The following TCF4 variants were observed in gnomAD, a reference collection of about 807,000 sequenced individuals.
TCF4 encodes the protein transcription factor 4, also known as SL3-3 enhancer factor 2.
TCF4 carries 3 observed loss-of-function variants against 82.1 expected under a neutral mutation model. The ratio of observed to expected loss-of-function variants is 0.04; its 90% CI spans 0.02 to 0.09. TCF4 has a LOEUF of 0.09. TCF4 is among the 10% of genes least tolerant of loss of function. The pLI is 1.00. For synonymous variants in TCF4, 276 were observed against 309.6 expected (o/e 0.89, Z 1.14); for missense variants, 518 against 852.7 (o/e 0.61, Z 4.89).
At chr18:55,290,842 A>C (rs1049929357) in intron 8 of TCF4, among the ~76,000 whole-genome samples, 6 of 145,558 alleles carry the variant, frequency 4.1e-5, no homozygotes, top group African/African-American at 1.7e-4. Context: ...AGATTCTAAC[A>C]GACATAAAAT....
At chr18:55,456,087 A>T (rs2095747071) in intron 5 of TCF4, among the ~76,000 whole-genome samples, 1 of 152,232 alleles carries the variant, frequency 6.6e-6, no homozygotes, top group Non-Finnish European at 1.5e-5. Flanking sequence ...AACACTCTGA[A>T]GTAATACAAA....
intron 5 of TCF4, among the ~76,000 whole-genome samples, chr18:55,457,446 C>T (rs1435478169): frequency 6.6e-6 from 1 of 152,186 alleles, no homozygotes; most frequent in Non-Finnish European, 1.5e-5. Flanking sequence ...CATTTTTCCA[C>T]ACACACAAGA....
intron 8 of TCF4, among the ~76,000 whole-genome samples, chr18:55,339,919 G>T (rs2147935408): frequency 6.6e-6 from 1 of 152,288 alleles, no homozygotes; most frequent in East Asian, 1.9e-4. Flanking sequence ...CCTGCTCAGT[G>T]TAAGAAATCT....
chr18:55,462,171 C>T (rs944897028), intron 4 of TCF4, among the ~76,000 whole-genome samples: 2 of 152,142 alleles, frequency 1.3e-5, no homozygotes, highest in Non-Finnish European at 2.9e-5. Context: ...ATCACCTTTC[C>T]TCGTGTATAA....
At chr18:55,629,061 T>C (rs1325141514) in intron 2 of TCF4, among the ~76,000 whole-genome samples, 2 of 152,308 alleles carry the variant, frequency 1.3e-5, no homozygotes, top group Middle Eastern at 3.4e-3. Context: ...TTGTATGCAA[T>C]GCAAAATTCA....
chr18:55,588,134 C>T lies in TCF4; in HGVS notation c.-117G>A, dbSNP rs1358010523. The T allele has an allele frequency of 9.4e-7, 1 of 1,063,284 alleles. No homozygotes were observed. Among genetic ancestry groups the T allele is most frequent in the Non-Finnish European group, 1.1e-6 (1 of 886,396 alleles). The allele number at this position is 1,063,284 out of a possible 1,614,324, so 65.9% of individuals were successfully genotyped here. On this transcript the variant is annotated 5_prime_UTR_variant, in exon 1 of 20. Transcript: ENST00000354452. The stretch of plus-strand genomic sequence containing the variant: ...CCACCGCCGCCGCCTGCTCCTGCGC[C>T]CGCTCCCGCGCCTGCTGCCTCCCCG...
intron 8 of TCF4, among the ~76,000 whole-genome samples, chr18:55,282,437 T>G (rs2062808152): frequency 6.6e-6 from 1 of 152,120 alleles, no homozygotes; most frequent in African/African-American, 2.4e-5. Flanking sequence ...TTTCATAACC[T>G]GGATGACCAG....
At chr18:55,236,431 G>A (rs1461237794) in intron 15 of TCF4, among the ~76,000 whole-genome samples, 2 of 150,248 alleles carry the variant, frequency 1.3e-5, no homozygotes, top group Non-Finnish European at 3.0e-5. Context: ...AGCTTCTAGA[G>A]CTCTGTGGCG....
chr18:55,587,913 G>C (rs1471955140), intron 1 of TCF4, 125 bp downstream of exon 1: 1 of 833,720 alleles, frequency 1.2e-6, no homozygotes, highest in Non-Finnish European at 1.4e-6. Context: ...TGTCTCTTCT[G>C]GGAGCGCCGG....
At chr18:55,233,463 T>C (rs1187470261) in intron 16 of TCF4, among the ~76,000 whole-genome samples, 2 of 152,200 alleles carry the variant, frequency 1.3e-5, no homozygotes, top group East Asian at 1.9e-4. Flanking sequence ...GTTGTGCTTA[T>C]GTGCAGTTTG....
intron 8 of TCF4, among the ~76,000 whole-genome samples, chr18:55,328,500 C>A (rs867241142): frequency 6.6e-6 from 1 of 152,046 alleles, no homozygotes; most frequent in Admixed American, 6.6e-5. Flanking sequence ...TCACACTGGA[C>A]AATGTAAAAA....
chr18:55,630,528 T>C (rs1435021210), intron 2 of TCF4, among the ~76,000 whole-genome samples: 1 of 152,230 alleles, frequency 6.6e-6, no homozygotes, highest in African/African-American at 2.4e-5. Context: ...CTGAAAGGGA[T>C]AATCATTATA....
At chr18:55,304,924 A>G (rs998589893) in intron 8 of TCF4, among the ~76,000 whole-genome samples, 1 of 152,176 alleles carries the variant, frequency 6.6e-6, no homozygotes, top group African/African-American at 2.4e-5. Flanking sequence ...TGATAAACCA[A>G]TAATTGCATA....
intron 5 of TCF4, among the ~76,000 whole-genome samples, chr18:55,404,890 C>G (rs1241927214): frequency 6.6e-6 from 1 of 152,240 alleles, no homozygotes; most frequent in African/African-American, 2.4e-5. Context: ...AACTTTTCTA[C>G]TGATTTTAAT....
At chr18:55,592,348 G>A (rs987106998), upstream of TCF4, among the ~76,000 whole-genome samples, 2 of 152,094 alleles carry the variant, frequency 1.3e-5, no homozygotes, top group South Asian at 2.1e-4. Context: ...GTGCCGTCAT[G>A]GTCAAGTTCT....
chr18:55,586,951 G>A (rs564239276), intron 2 of TCF4, 94 bp downstream of exon 2: 1 of 1,082,598 alleles, frequency 9.2e-7, no homozygotes, highest in African/African-American at 1.6e-5. Flanking sequence ...AATTATTACT[G>A]TCCTTTAGAT....
At chr18:55,502,492 T>C (rs535604069) in intron 3 of TCF4, among the ~76,000 whole-genome samples, 4 of 152,192 alleles carry the variant, frequency 2.6e-5, no homozygotes, top group Non-Finnish European at 4.4e-5. Flanking sequence ...GCTTACATCA[T>C]CCTTGGTAAC....
chr18:55,317,537 G>A (rs894945488), intron 8 of TCF4, among the ~76,000 whole-genome samples: 4 of 151,264 alleles, frequency 2.6e-5, no homozygotes, highest in Admixed American at 6.6e-5. Flanking sequence ...GGTTTGGGGG[G>A]AAAAAAAAGA....
intron 5 of TCF4, among the ~76,000 whole-genome samples, chr18:55,420,371 T>G (rs1378945230): frequency 6.6e-6 from 1 of 152,184 alleles, no homozygotes; most frequent in Non-Finnish European, 1.5e-5. Flanking sequence ...CATGATTATG[T>G]GTAAAAACAA....
Sources: gnomAD v4.1 joint callset for allele counts (sites outside exome capture counted in the v4.1 genomes callset) on GRCh38, gnomAD v4.1.1 for gene constraint, MANE v1.5 for transcripts, NCBI Gene and HGNC (gene_info 2026-07-23, HGNC 2026-07-21) for gene names.